The following ERC1 variants were observed in gnomAD, a reference collection of about 807,000 sequenced individuals.
ERC1 encodes the protein RAB6 interacting protein 2.
ERC1 carries 56 observed loss-of-function variants against 132.0 expected under a neutral mutation model. The ratio of observed to expected loss-of-function variants is 0.42; its 90% CI spans 0.34 to 0.53. The LOEUF is 0.53. Among genes scored for constraint, ERC1 ranks in the 20% least tolerant of loss-of-function variants. ERC1 has a pLI of 0.03. For missense variants in ERC1, 1,202 were observed against 1,349.9 expected, an observed-to-expected ratio of 0.89 and a Z score of 1.72; for synonymous variants, 478 against 476.1, an observed-to-expected ratio of 1.00 and a Z score of -0.05.
In ERC1 at chr12:1,242,626, T is replaced by G. The variant is rs1286678574; in HGVS notation, c.2487+5722T>G. ...AAATTCCTTACAGAGCTCCTGTCTC[T>G]AAAGGTTGTGAGCATTAATGAGATG... On this transcript the variant is annotated intron_variant, in intron 13 of 18. Coordinates refer to ENST00000360905, the MANE Select transcript of ERC1 (RefSeq NM_178040.4). Among the ~76,000 whole-genome samples, 4 of 152,172 alleles carry G rather than the reference T, an allele frequency of 2.6e-5. No individual in the cohort carries two copies. In the East Asian group the frequency reaches 7.7e-4, roughly 29 times the overall value.
At chr12:1,448,304 G>A (rs2093352114) in intron 18 of ERC1, among the ~76,000 whole-genome samples, 1 of 152,186 alleles carries the variant, frequency 6.6e-6, no homozygotes, top group Admixed American at 6.5e-5. Flanking sequence ...CCTGCGAAAC[G>A]AGAGACCTGG....
At chr12:1,425,953 G>C (rs2092621940) in intron 17 of ERC1, among the ~76,000 whole-genome samples, 2 of 152,104 alleles carry the variant, frequency 1.3e-5, no homozygotes, top group Admixed American at 1.3e-4. Context: ...CTTTTCTTGA[G>C]GCACCGATGT....
At chr12:1,349,759 G>C (rs1465473086) in intron 15 of ERC1, among the ~76,000 whole-genome samples, 1 of 152,012 alleles carries the variant, frequency 6.6e-6, no homozygotes, top group Non-Finnish European at 1.5e-5. Context: ...GAACATAAAA[G>C]GATAGCTTGA....
intron 18 of ERC1, among the ~76,000 whole-genome samples, chr12:1,460,985 T>TTTTTTTTTTTTTG: frequency 8.1e-6 from 1 of 123,952 alleles, no homozygotes; most frequent in African/African-American, 2.7e-5. Flanking sequence ...TTTTTTTCAT[T>TTTTTTTTTTTTTG]TTTCTAGTTC....
chr12:1,062,656 G>A (rs1938253756), intron 2 of ERC1, among the ~76,000 whole-genome samples: 1 of 152,178 alleles, frequency 6.6e-6, no homozygotes, highest in African/African-American at 2.4e-5. Context: ...AATGTTCCAT[G>A]TGCTGATGAG....
intron 2 of ERC1, among the ~76,000 whole-genome samples, chr12:1,082,718 G>C (rs746487969): frequency 6.7e-6 from 1 of 149,574 alleles, no homozygotes; most frequent in Non-Finnish European, 1.5e-5. Flanking sequence ...TTGAACTCCT[G>C]ACCTCAGCTG....
chr12:1,027,857 G>T lies in ERC1; in HGVS notation c.-47G>T, dbSNP rs1372419267. 6 of 1,506,480 alleles carry T rather than the reference G, an allele frequency of 4.0e-6. No homozygotes were observed. Among genetic ancestry groups the T allele is most frequent in the South Asian group, 2.6e-5 (2 of 78,260 alleles). 93.3% of individuals were successfully genotyped at this position (1,506,480 alleles called of 1,614,324 possible). ...ACCTCACAAGGTTCCCATTTTTGTT[G>T]TTGTTGTTGTTGATTTTCTGCTCAC... On this transcript the variant is annotated 5_prime_UTR_variant, in exon 2 of 19. Transcript: ENST00000360905.
chr12:1,192,926 T>C (rs1449020795), intron 12 of ERC1, among the ~76,000 whole-genome samples: 3 of 152,208 alleles, frequency 2.0e-5, no homozygotes, highest in African/African-American at 7.2e-5. Flanking sequence ...GTCTTTGTTT[T>C]ACTCTTTAAA....
intron 13 of ERC1, among the ~76,000 whole-genome samples, chr12:1,256,536 T>G (rs535026123): frequency 6.6e-6 from 1 of 150,970 alleles, no homozygotes; most frequent in East Asian, 2.0e-4. Flanking sequence ...TTTGCCCAAT[T>G]TTTTTTCAGC....
At chr12:1,458,598 G>T (rs565601442) in intron 18 of ERC1, among the ~76,000 whole-genome samples, 2 of 149,722 alleles carry the variant, frequency 1.3e-5, no homozygotes, top group South Asian at 4.2e-4. Flanking sequence ...GCAATGGCAC[G>T]ATCTTGGCTC....
intron 12 of ERC1, among the ~76,000 whole-genome samples, chr12:1,197,076 G>A (rs966798322): frequency 1.3e-5 from 2 of 148,890 alleles, no homozygotes; most frequent in Admixed American, 1.3e-4. Flanking sequence ...CACCTCCCGG[G>A]CTCAAGCGAT....
At chr12:1,377,979 CT>C (rs2088146756) in intron 16 of ERC1, among the ~76,000 whole-genome samples, 1 of 152,154 alleles carries the variant, frequency 6.6e-6, no homozygotes, top group Admixed American at 6.5e-5. Context: ...TTGATCACAG[CT>C]TTTATGAGAG....
chr12:1,371,620 A>G (rs4448748), intron 15 of ERC1, among the ~76,000 whole-genome samples: 154 of 57,450 alleles, frequency 2.7e-3, no homozygotes, highest in South Asian at 4.3e-3. Flanking sequence ...GGGGTGAATG[A>G]TGCTGTTGGC....
intron 12 of ERC1, among the ~76,000 whole-genome samples, chr12:1,215,786 A>C (rs139759987): frequency 1.3e-5 from 2 of 152,248 alleles, no homozygotes; most frequent in Admixed American, 6.5e-5. Flanking sequence ...AAACAAAAGA[A>C]TCTTTTCCTC....
chr12:992,945 A>G (rs954189085), intron 1 of ERC1, among the ~76,000 whole-genome samples: 7 of 152,216 alleles, frequency 4.6e-5, no homozygotes, highest in East Asian at 1.9e-4. Context: ...GAAAATAGCC[A>G]GAGAAGTGCT....
intron 14 of ERC1, among the ~76,000 whole-genome samples, chr12:1,269,337 G>T (rs1159273308): frequency 2.0e-5 from 3 of 152,208 alleles, no homozygotes; most frequent in Non-Finnish European, 4.4e-5. Context: ...TGTGAAAGCG[G>T]CTTTGTCCTG....
intron 12 of ERC1, among the ~76,000 whole-genome samples, chr12:1,229,052 CTT>C (rs1050044023): frequency 1.3e-5 from 2 of 152,188 alleles, no homozygotes; most frequent in African/African-American, 4.8e-5. Context: ...GTTCCTGCCT[CTT>C]TAATTCTTTG....
At chr12:1,326,969 C>T (rs1348140834) in intron 15 of ERC1, among the ~76,000 whole-genome samples, 1 of 151,940 alleles carries the variant, frequency 6.6e-6, no homozygotes, top group Non-Finnish European at 1.5e-5. Flanking sequence ...TGAGGTATTT[C>T]AGTTTGTGAC....
rs569300341 is a variant in ERC1, at chr12:1,177,453, T to C, written c.1738-3087T>C. On this transcript the variant is annotated intron_variant, in intron 8 of 18. Coordinates refer to ENST00000360905, the MANE Select transcript of ERC1 (RefSeq NM_178040.4). ...CAACTTTTCCTTCTCCCTGACTATT[T>C]AGAGGCCATTGTTGGGTTATGAATT... is the stretch of plus-strand genomic sequence containing the variant. 2.0e-5 allele frequency among the ~76,000 whole-genome samples: 3 copies of C among 152,330 alleles called. No homozygotes were observed. The South Asian group carries it at 6.2e-4, about 32-fold the overall frequency.
Sources: allele counts gnomAD v4.1 joint callset (sites outside exome capture counted in the v4.1 genomes callset), GRCh38; gene constraint gnomAD v4.1.1; transcripts MANE v1.5; gene names NCBI Gene and HGNC (gene_info 2026-07-23, HGNC 2026-07-21).